Variants in KCNIP4 observed in about 807,000 individuals in gnomAD.
KCNIP4 encodes the protein potassium voltage-gated channel interacting protein 4.
In KCNIP4, 12 loss-of-function variants were observed where a neutral mutation model predicts 34.0. That is an observed-to-expected ratio of 0.35 (90% CI 0.23 to 0.57). The LOEUF (loss-of-function observed/expected upper bound fraction) is 0.57. Ranked by LOEUF, KCNIP4 falls within the 20% of genes least tolerant of loss-of-function variation. The probability of loss-of-function intolerance (pLI) is 0.83; values close to 1 mark genes in which losing one functional copy is unlikely to be tolerated. For synonymous variants in KCNIP4, 124 were observed against 102.2 expected (o/e 1.21, Z -1.29); for missense variants, 238 against 311.7 (o/e 0.76, Z 1.78).
chr4:20,819,971 C>T lies in KCNIP4; in HGVS notation c.288+30572G>A, dbSNP rs1408183565. Among the ~76,000 whole-genome samples the T allele has an allele frequency of 2.6e-5, 4 of 152,176 alleles. No individual in the cohort carries two copies. The East Asian group carries it at 7.7e-4, about 29-fold the overall frequency. ...CCTAGTCTCAGGCATTTTGTTATAG[C>T]ACCAGGAACTGCTGGTACCAAGCAG... On this transcript the variant is annotated intron_variant, in intron 3 of 8. Transcript: ENST00000382152.
chr4:21,913,951 G>T (rs768832021), intron 1 of KCNIP4, among the ~76,000 whole-genome samples: 1 of 152,024 alleles, frequency 6.6e-6, no homozygotes, highest in Admixed American at 6.6e-5. Context: ...GTAGGAAAGT[G>T]GATGTAGAGG....
intron 1 of KCNIP4, among the ~76,000 whole-genome samples, chr4:21,385,694 A>G (rs779009877): frequency 6.6e-6 from 1 of 152,192 alleles, no homozygotes; most frequent in Non-Finnish European, 1.5e-5. Context: ...CATCACCATC[A>G]TATCCCTTAT....
At chr4:21,569,504 A>G (rs1740200552) in intron 1 of KCNIP4, among the ~76,000 whole-genome samples, 1 of 152,028 alleles carries the variant, frequency 6.6e-6, no homozygotes, top group Non-Finnish European at 1.5e-5. Context: ...AAACTGAGAA[A>G]GGGCTTCCTC....
At chr4:21,687,232 G>T (rs1340586896) in intron 1 of KCNIP4, among the ~76,000 whole-genome samples, 1 of 148,494 alleles carries the variant, frequency 6.7e-6, no homozygotes, top group Non-Finnish European at 1.5e-5. Context: ...TGACGCGTTA[G>T]TGGGTGCAGC....
At chr4:20,776,286 GT>G (rs900711567) in intron 3 of KCNIP4, among the ~76,000 whole-genome samples, 28 of 152,146 alleles carry the variant, frequency 1.8e-4, no homozygotes, top group Non-Finnish European at 2.8e-4. Context: ...GCATGTTTTT[GT>G]TTTTTTCTAG....
intron 1 of KCNIP4, among the ~76,000 whole-genome samples, chr4:21,504,517 A>T (rs549996435): frequency 2.0e-5 from 3 of 150,722 alleles, no homozygotes; most frequent in African/African-American, 7.3e-5. Flanking sequence ...GGAAGGAAGG[A>T]AGAAAGCAAG....
At position 21,073,026 on chromosome 4, in the gene KCNIP4, C is replaced by G. The variant is rs569236242; in HGVS notation, c.62-190317G>C. ...CTATATCTCTGTTTTGGTACAAGTG[C>G]CATGCTGTTTTAGTTGCTGTAGCCT... On this transcript the variant is annotated intron_variant, in intron 1 of 8. Coordinates refer to ENST00000382152, the MANE Select transcript of KCNIP4 (RefSeq NM_025221.6). Among the ~76,000 whole-genome samples, 20 of 152,252 alleles carry G rather than the reference C, an allele frequency of 1.3e-4. 1 individual carries two copies. The South Asian group carries it at 3.9e-3, about 30-fold the overall frequency.
intron 1 of KCNIP4, among the ~76,000 whole-genome samples, chr4:21,489,572 T>A (rs151223938): frequency 6.6e-6 from 1 of 152,210 alleles, no homozygotes; most frequent in East Asian, 1.9e-4. Flanking sequence ...TTTTTCAGAG[T>A]GGTACAGCTA....
intron 1 of KCNIP4, among the ~76,000 whole-genome samples, chr4:21,841,734 G>C (rs974253655): frequency 2.0e-5 from 3 of 152,062 alleles, no homozygotes; most frequent in African/African-American, 4.8e-5. Flanking sequence ...TGGAGACACA[G>C]GGTGTCAAAA....
chr4:21,262,196 T>C (rs1251839194), intron 1 of KCNIP4, among the ~76,000 whole-genome samples: 1 of 152,224 alleles, frequency 6.6e-6, no homozygotes, highest in African/African-American at 2.4e-5. Context: ...GAGTGGATCC[T>C]GCTCATCTTT....
Position 21,060,198 on chromosome 4 carries a change from C to T in KCNIP4, c.62-177489G>A, listed in dbSNP as rs79054696. Among the ~76,000 whole-genome samples the T allele has an allele frequency of 7.9e-3, 1,209 of 152,132 alleles. 21 individuals carry two copies. The highest frequency in any genetic ancestry group is 0.028 in the African/African-American group (1,160 of 41,522). Reference sequence around the variant, plus strand: ...TGAAAGCATTGGCTAAATGCATTCCCAGAGGCTTTGAATAACAACTCTGGC... The same window carrying T: ...TGAAAGCATTGGCTAAATGCATTCCTAGAGGCTTTGAATAACAACTCTGGC... On this transcript the variant is annotated intron_variant, in intron 1 of 8. Coordinates refer to ENST00000382152, the MANE Select transcript of KCNIP4 (RefSeq NM_025221.6).
chr4:21,228,473 A>C (rs1382646766), intron 1 of KCNIP4, among the ~76,000 whole-genome samples: 1 of 152,156 alleles, frequency 6.6e-6, no homozygotes, highest in Non-Finnish European at 1.5e-5. Flanking sequence ...TCTTTATAGC[A>C]GTGTGAGAAT....
At chr4:21,222,747 T>C (rs929490948) in intron 1 of KCNIP4, among the ~76,000 whole-genome samples, 1 of 152,224 alleles carries the variant, frequency 6.6e-6, no homozygotes, top group Non-Finnish European at 1.5e-5. Context: ...AGCATGTTTG[T>C]TTTTGCTTTG....
At chr4:20,889,628 T>C (rs1408851295) in intron 1 of KCNIP4, among the ~76,000 whole-genome samples, 2 of 152,098 alleles carry the variant, frequency 1.3e-5, no homozygotes, top group Admixed American at 1.3e-4. Flanking sequence ...ATAGGAACTA[T>C]TGGCCTGCTT....
chr4:20,787,633 C>T (rs867014173), intron 3 of KCNIP4, among the ~76,000 whole-genome samples: 14 of 152,180 alleles, frequency 9.2e-5, no homozygotes, highest in African/African-American at 3.1e-4. Flanking sequence ...ATTTGCTCCT[C>T]AAATTCTAAT....
rs1226165466 is a variant in KCNIP4 at position 21,451,627 on chromosome 4, C to A, written c.61+496944G>T. On this transcript the variant is annotated intron_variant, in intron 1 of 8. Transcript: ENST00000382152. The stretch of plus-strand genomic sequence containing the variant: ...GGTAACTGCTGTTTTTGTAGATAAC[C>A]AAAAAATTGATTTTGTCCATAATAA... Among the ~76,000 whole-genome samples the A allele has an allele frequency of 3.9e-5, 6 of 152,016 alleles. No homozygotes were observed. In the East Asian group the frequency reaches 7.8e-4, roughly 20 times the overall value.
At chr4:21,784,116 G>A (rs983222782) in intron 1 of KCNIP4, among the ~76,000 whole-genome samples, 1 of 147,066 alleles carries the variant, frequency 6.8e-6, no homozygotes, top group Non-Finnish European at 1.5e-5. Context: ...GGAGAAGCAG[G>A]CACCTTCTTC....
intron 1 of KCNIP4, among the ~76,000 whole-genome samples, chr4:20,921,524 CAT>C (rs1729389086): frequency 1.3e-5 from 2 of 152,098 alleles, no homozygotes. Flanking sequence ...TTTATTATGT[CAT>C]GTTACTTTTT....
chr4:20,999,926 G>T (rs1276983846), intron 1 of KCNIP4, among the ~76,000 whole-genome samples: 1 of 152,146 alleles, frequency 6.6e-6, no homozygotes, highest in Non-Finnish European at 1.5e-5. Context: ...TTCTGGTAGA[G>T]GCAACTTAAC....
Sources: gnomAD v4.1 joint callset for allele counts (sites outside exome capture counted in the v4.1 genomes callset) on GRCh38, gnomAD v4.1.1 for gene constraint, MANE v1.5 for transcripts, NCBI Gene and HGNC (gene_info 2026-07-23, HGNC 2026-07-21) for gene names.